The following PDE1C variants were observed in gnomAD, a reference collection of about 807,000 sequenced individuals.
The protein encoded by PDE1C is dual specificity calcium/calmodulin-dependent 3',5'-cyclic nucleotide phosphodiesterase 1C.
In PDE1C, 62 loss-of-function variants were observed where a neutral mutation model predicts 93.1. That is an observed-to-expected ratio of 0.67 (90% confidence interval 0.54 to 0.82). The LOEUF (loss-of-function observed/expected upper bound fraction) is 0.82. Among genes scored for constraint, PDE1C ranks in the 40% least tolerant of loss-of-function variants. The pLI, the probability that PDE1C is intolerant of heterozygous loss-of-function variation, is 0.00. For synonymous variants in PDE1C, 325 were observed against 310.1 expected (o/e 1.05, Z -0.50); for missense variants, 742 against 884.6 (o/e 0.84, Z 2.04).
chr7:32,043,507 A>G (rs1488317170), intron 2 of PDE1C, among the ~76,000 whole-genome samples: 3 of 152,154 alleles, frequency 2.0e-5, no homozygotes, highest in Non-Finnish European at 2.9e-5. Context: ...CTTACTCTCA[A>G]AACCATTTTG....
chr7:32,150,560 G>A (rs1801178927), intron 3 of PDE1C, among the ~76,000 whole-genome samples: 1 of 152,200 alleles, frequency 6.6e-6, no homozygotes, highest in East Asian at 1.9e-4. Context: ...TCACCTGAGA[G>A]ATTAAGCACA....
chr7:31,862,774 G>C (rs896236250), intron 7 of PDE1C, among the ~76,000 whole-genome samples: 3 of 152,122 alleles, frequency 2.0e-5, no homozygotes, highest in African/African-American at 7.2e-5. Flanking sequence ...CATAATAAAG[G>C]ACCCAGCATA....
intron 2 of PDE1C, among the ~76,000 whole-genome samples, chr7:31,899,405 T>A (rs1228262137): frequency 6.6e-6 from 1 of 152,108 alleles, no homozygotes; most frequent in Non-Finnish European, 1.5e-5. Flanking sequence ...CCCAAAGTGC[T>A]GGGATTACAG....
At chr7:31,845,524 G>A (rs1229493313) in intron 9 of PDE1C, among the ~76,000 whole-genome samples, 1 of 152,072 alleles carries the variant, frequency 6.6e-6, no homozygotes, top group African/African-American at 2.4e-5. Flanking sequence ...ACTGGGGCTT[G>A]TCAGGGGGTC....
chr7:31,928,173 C>T (rs1201224668), intron 2 of PDE1C, among the ~76,000 whole-genome samples: 13 of 151,354 alleles, frequency 8.6e-5, no homozygotes, highest in Non-Finnish European at 1.3e-4. Flanking sequence ...ATTGATCAAG[C>T]GGAAGAAAGG....
At chr7:32,020,285 C>A (rs779804945) in intron 2 of PDE1C, among the ~76,000 whole-genome samples, 13 of 151,990 alleles carry the variant, frequency 8.6e-5, no homozygotes, top group Non-Finnish European at 1.8e-4. Flanking sequence ...CTTTCCTGGG[C>A]ACTGGGATAT....
At chr7:31,678,731 A>G in the PDE1C span, among the ~76,000 whole-genome samples, 1 of 152,186 alleles carries the variant, frequency 6.6e-6, no homozygotes, top group Non-Finnish European at 1.5e-5. Flanking sequence ...AAAAGTATAA[A>G]CAGAAAAGAT....
chr7:31,709,994 T>A, the PDE1C span, among the ~76,000 whole-genome samples: 2 of 151,728 alleles, frequency 1.3e-5, no homozygotes, highest in African/African-American at 4.8e-5. Flanking sequence ...CACAAAAAAA[T>A]TAAAAATAAG....
chr7:32,193,915 T>TG lies in PDE1C; in HGVS notation c.136+15573dup, dbSNP rs72192938. Among the ~76,000 whole-genome samples, 567 of 108,414 alleles carry TG rather than the reference T, an allele frequency of 5.2e-3. 6 individuals are homozygous for TG. The highest frequency in any genetic ancestry group is 0.018 in the African/African-American group (540 of 30,556). The allele number at this position is 108,414 out of a possible 152,430, so 71.1% of individuals were successfully genotyped here. On this transcript the variant is annotated intron_variant, in intron 2 of 18. Coordinates refer to the PDE1C transcript ENST00000396193. ...GTGGTTTTTTTTTTTGGTTTTGTTTTGTTTTTTTTTTTTTTTTGAGACGGA... is the reference window on the plus strand; with the variant it reads ...GTGGTTTTTTTTTTTGGTTTTGTTTTGGTTTTTTTTTTTTTTTTGAGACGGA...
chr7:31,916,800 G>A lies in PDE1C; in HGVS notation c.129-35940C>T, dbSNP rs189055737. 2.0e-5 allele frequency among the ~76,000 whole-genome samples: 3 copies of A among 152,234 alleles called. No homozygotes were observed. In the East Asian group the frequency reaches 5.8e-4, roughly 29 times the overall value. On this transcript the variant is annotated intron_variant, in intron 2 of 17. Coordinates refer to ENST00000396191, the MANE Select transcript of PDE1C (RefSeq NM_001191057.4). Reference sequence around the variant, plus strand: ...TAAGTGTGAAGCATAATATTGAGGGGCTGCTCCATCAGATCACCTATCATG... The same window carrying A: ...TAAGTGTGAAGCATAATATTGAGGGACTGCTCCATCAGATCACCTATCATG...
chr7:32,394,221 A>G (rs1784802193), intron 1 of PDE1C, among the ~76,000 whole-genome samples: 1 of 152,270 alleles, frequency 6.6e-6, no homozygotes, highest in Non-Finnish European at 1.5e-5. Context: ...CAAACAATAC[A>G]GGATTATCTG....
chr7:32,372,677 G>C (rs557957217), intron 1 of PDE1C, among the ~76,000 whole-genome samples: 1 of 152,102 alleles, frequency 6.6e-6, no homozygotes, highest in Non-Finnish European at 1.5e-5. Flanking sequence ...ACATCATCAA[G>C]AAAATGAATG....
chr7:32,328,262 C>T (rs978138153), intron 1 of PDE1C, among the ~76,000 whole-genome samples: 2 of 152,196 alleles, frequency 1.3e-5, no homozygotes, highest in Non-Finnish European at 2.9e-5. Context: ...AGCTGTCTCA[C>T]TAAGGTTCTA....
At chr7:32,081,210 G>C (rs1179210146) in intron 3 of PDE1C, among the ~76,000 whole-genome samples, 1 of 152,134 alleles carries the variant, frequency 6.6e-6, no homozygotes, top group African/African-American at 2.4e-5. Flanking sequence ...GAAGCACTTG[G>C]GAATTTTAAT....
At chr7:31,646,827 C>T in the PDE1C span, among the ~76,000 whole-genome samples, 85 of 152,134 alleles carry the variant, frequency 5.6e-4, no homozygotes, top group Non-Finnish European at 1.0e-3. Context: ...GCTTCTAATG[C>T]CTTGTCTCCT....
At chr7:32,097,569 A>C (rs1432123353) in intron 3 of PDE1C, among the ~76,000 whole-genome samples, 2 of 152,214 alleles carry the variant, frequency 1.3e-5, no homozygotes, top group Non-Finnish European at 2.9e-5. Flanking sequence ...TACTTGGAGA[A>C]CTATAAATGA....
At chr7:32,310,378 C>A (rs994576988) in intron 1 of PDE1C, among the ~76,000 whole-genome samples, 1 of 152,132 alleles carries the variant, frequency 6.6e-6, no homozygotes, top group Non-Finnish European at 1.5e-5. Context: ...CAAGAAATGA[C>A]CTCAGCTCTG....
the PDE1C span, among the ~76,000 whole-genome samples, chr7:31,671,927 G>A: frequency 1.2e-4 from 18 of 152,094 alleles, no homozygotes; most frequent in African/African-American, 4.8e-5. Flanking sequence ...GCCCCACAAG[G>A]TCTTTTGTAC....
chr7:31,666,083 A>G, the PDE1C span, among the ~76,000 whole-genome samples: 1 of 152,216 alleles, frequency 6.6e-6, no homozygotes, highest in Non-Finnish European at 1.5e-5. Context: ...CATCAGGGTC[A>G]TCTGATGCTT....
Sources: gnomAD v4.1 joint callset for allele counts (sites outside exome capture counted in the v4.1 genomes callset) on GRCh38, gnomAD v4.1.1 for gene constraint, MANE v1.5 for transcripts, NCBI Gene and HGNC (gene_info 2026-07-23, HGNC 2026-07-21) for gene names.